DYNC2I1: variants seen among roughly 807,000 people sequenced by gnomAD.
The protein encoded by DYNC2I1 is cytoplasmic dynein 2 intermediate chain 1.
In DYNC2I1, 89 loss-of-function variants were observed where a neutral mutation model predicts 133.4. That is an observed-to-expected ratio of 0.67 (90% confidence interval 0.56 to 0.80). The LOEUF (loss-of-function observed/expected upper bound fraction) is 0.80, where lower values mean the gene tolerates loss of function less well. DYNC2I1 is among the 30% of genes least tolerant of loss of function. The pLI, the probability that DYNC2I1 is intolerant of heterozygous loss-of-function variation, is 0.00. For missense variants in DYNC2I1, 1,291 were observed against 1,314.5 expected, an observed-to-expected ratio of 0.98 and a Z score of 0.28; for synonymous variants, 504 against 484.3, an observed-to-expected ratio of 1.04 and a Z score of -0.54.
intron 1 of DYNC2I1, among the ~76,000 whole-genome samples, chr7:158,856,989 G>C (rs1841316964): frequency 6.6e-6 from 1 of 152,074 alleles, no homozygotes; most frequent in African/African-American, 2.4e-5. Context: ...GGTCTGTGCA[G>C]CCTCAGGCCT....
chr7:158,923,697 G>A lies in DYNC2I1; in HGVS notation c.2221G>A (p.Gly741Ser), dbSNP rs775766740. 8.7e-6 allele frequency: 14 copies of A among 1,613,814 alleles called. No homozygotes were observed. Among genetic ancestry groups the A allele is most frequent in the Non-Finnish European group, 1.2e-5 (14 of 1,179,862 alleles). Reference protein sequence around the residue: ...RLHYSVTLSDGFWTFRTATFS... With the variant: ...RLHYSVTLSDSFWTFRTATFS... Reference sequence around the variant, plus strand: ...GCATTACTCTGTGACGCTGAGCGATGGCTTCTGGACGTTCCGGACCGCCAC... The same window carrying A: ...GCATTACTCTGTGACGCTGAGCGATAGCTTCTGGACGTTCCGGACCGCCAC... The change falls in exon 17 of 25, where the codon GGC becomes AGC. Residue 741 changes from glycine (G) to serine (S), a missense_variant. By Grantham distance (56) the Gly-to-Ser change is moderately conservative. Transcript: ENST00000407559.
At chr7:158,862,303 CAG>C (rs142027047) in intron 1 of DYNC2I1, among the ~76,000 whole-genome samples, 1,806 of 152,286 alleles carry the variant, frequency 0.012, 39 homozygotes, top group African/African-American at 0.04. Flanking sequence ...AAGGACGAAT[CAG>C]GGGACGATTA....
intron 3 of DYNC2I1, 75 bp from the exon 4 acceptor site, chr7:158,876,534 C>T: frequency 1.4e-6 from 2 of 1,479,328 alleles, no homozygotes; most frequent in Non-Finnish European, 1.8e-6. Flanking sequence ...CAATACCATC[C>T]ATAGCAAGAT....
chr7:158,931,351 G>T (rs1455765573), intron 21 of DYNC2I1, among the ~76,000 whole-genome samples: 1 of 152,202 alleles, frequency 6.6e-6, no homozygotes, highest in Admixed American at 6.5e-5. Flanking sequence ...CCTGTGGGTT[G>T]TGTTAATGAA....
intron 1 of DYNC2I1, among the ~76,000 whole-genome samples, chr7:158,862,327 G>T (rs1841931854): frequency 6.6e-6 from 1 of 152,046 alleles, no homozygotes; most frequent in African/African-American, 2.4e-5. Flanking sequence ...AAAATACTTT[G>T]TCAAGTACTG....
chr7:158,894,798 G>GCCTT (rs1201563026), intron 8 of DYNC2I1, among the ~76,000 whole-genome samples: 1 of 152,164 alleles, frequency 6.6e-6, no homozygotes, highest in Non-Finnish European at 1.5e-5. Flanking sequence ...ATAGGGTTTT[G>GCCTT]CCTTCCCCAG....
intron 15 of DYNC2I1, among the ~76,000 whole-genome samples, 177 bp downstream of exon 15, chr7:158,919,046 A>C (rs1227765352): frequency 6.6e-6 from 1 of 152,238 alleles, no homozygotes; most frequent in Non-Finnish European, 1.5e-5. Context: ...TTAAGTGTGC[A>C]TGTTAAATTT....
chr7:158,844,491 G>C, the DYNC2I1 span, among the ~76,000 whole-genome samples: 1 of 152,172 alleles, frequency 6.6e-6, no homozygotes, highest in Non-Finnish European at 1.5e-5. Context: ...TCACGTTCTT[G>C]TGAGACTTCA....
At chr7:158,892,189 C>A (rs1017137239) in intron 8 of DYNC2I1, among the ~76,000 whole-genome samples, 10 of 152,154 alleles carry the variant, frequency 6.6e-5, no homozygotes, top group Non-Finnish European at 8.8e-5. Context: ...AAATCCTGGC[C>A]AGACATAGGA....
At chr7:158,857,352 A>G (rs937012337) in intron 1 of DYNC2I1, among the ~76,000 whole-genome samples, 1 of 152,148 alleles carries the variant, frequency 6.6e-6, no homozygotes, top group African/African-American at 2.4e-5. Context: ...GCTTTCATTA[A>G]CACTCAATAA....
At chr7:158,896,217 T>C (rs1845749302) in intron 8 of DYNC2I1, among the ~76,000 whole-genome samples, 1 of 152,212 alleles carries the variant, frequency 6.6e-6, no homozygotes, top group Non-Finnish European at 1.5e-5. Context: ...TGATATTAGC[T>C]GTATGTTTTT....
rs766148492 is a variant in DYNC2I1, at chr7:158,902,427, A to T, written c.1189A>T (p.Asn397Tyr). Reference protein sequence around the residue: ...VCDGDDDESSNEPESREKLEE... With the variant: ...VCDGDDDESSYEPESREKLEE... ...TGATGGTGATGATGATGAAAGCAGT[A>T]ATGAACCTGAGTCAAGAGAAAAACT... Residue 397 changes from asparagine (N) to tyrosine (Y), a missense_variant, in exon 10 of 25, where the codon AAT becomes TAT. Physicochemically the swap from Asn to Tyr is moderately radical, Grantham distance 143. Transcript: ENST00000407559. The T allele has an allele frequency of 3.1e-6, 5 of 1,613,864 alleles. No individual in the cohort carries two copies. The Admixed American group carries it at 8.3e-5, about 27-fold the overall frequency.
upstream of DYNC2I1, among the ~76,000 whole-genome samples, chr7:158,852,565 C>A (rs896597261): frequency 6.6e-6 from 1 of 151,544 alleles, no homozygotes; most frequent in Admixed American, 6.6e-5. Flanking sequence ...ATGGTGAAAC[C>A]CCGTGTCTAC....
At chr7:158,893,888 T>C (rs1185876402) in intron 8 of DYNC2I1, among the ~76,000 whole-genome samples, 2 of 151,790 alleles carry the variant, frequency 1.3e-5, no homozygotes, top group Non-Finnish European at 2.9e-5. Flanking sequence ...TCGTAACACA[T>C]GTCACACTAC....
At chr7:158,839,979 T>C in the DYNC2I1 span, among the ~76,000 whole-genome samples, 1 of 150,766 alleles carries the variant, frequency 6.6e-6, no homozygotes, top group Non-Finnish European at 1.5e-5. Context: ...ACCCGGCTAA[T>C]TGAAAAAAAA....
intron 6 of DYNC2I1, 121 bp downstream of exon 6, chr7:158,884,740 C>A (rs765252522): frequency 2.4e-5 from 23 of 941,286 alleles, no homozygotes; most frequent in African/African-American, 3.4e-5. Flanking sequence ...AGATATACTT[C>A]ATTTTCTCTA....
At chr7:158,908,451 G>A (rs1847059488) in intron 11 of DYNC2I1, among the ~76,000 whole-genome samples, 1 of 152,124 alleles carries the variant, frequency 6.6e-6, no homozygotes, top group Non-Finnish European at 1.5e-5. Context: ...AAAGGTAATT[G>A]ACCAATTGGG....
At chr7:158,896,962 G>A (rs983115095) in intron 8 of DYNC2I1, among the ~76,000 whole-genome samples, 2 of 151,150 alleles carry the variant, frequency 1.3e-5, no homozygotes, top group Non-Finnish European at 2.9e-5. Context: ...CCCTGGAAGA[G>A]AGTGTAAAGA....
At position 158,941,980 on chromosome 7, in the gene DYNC2I1, T is replaced by A. The variant is rs753602633; in HGVS notation, c.2834T>A (p.Leu945His). Residue 945 changes from leucine (L) to histidine (H), a missense_variant, in exon 24 of 25, where the codon CTC becomes CAC. Physicochemically the swap from Leu to His is moderately conservative, Grantham distance 99 (BLOSUM62 -3). Coordinates refer to ENST00000407559, the MANE Select transcript of DYNC2I1 (RefSeq NM_018051.5). Reference sequence around the variant, plus strand: ...CACCAGCTGAGCTCCGCGTTTCCGCTCCTGCAGTGGGACAGCAGCACGGAC... The same window carrying A: ...CACCAGCTGAGCTCCGCGTTTCCGCACCTGCAGTGGGACAGCAGCACGGAC... Reference protein sequence around the residue: ...RLHQLSSAFPLLQWDSSTDSH... With the variant: ...RLHQLSSAFPHLQWDSSTDSH... The A allele has an allele frequency of 1.2e-6, 2 of 1,613,234 alleles. No homozygotes were observed. Among genetic ancestry groups the A allele is most frequent in the South Asian group, 2.2e-5 (2 of 91,018 alleles).
Sources: gnomAD v4.1 joint callset for allele counts (sites outside exome capture counted in the v4.1 genomes callset) on GRCh38, gnomAD v4.1.1 for gene constraint, MANE v1.5 for transcripts, NCBI Gene and HGNC (gene_info 2026-07-23, HGNC 2026-07-21) for gene names.